ATG3: variants seen among roughly 807,000 people sequenced by gnomAD.
ATG3 encodes the protein ubiquitin-like-conjugating enzyme ATG3.
A neutral mutation model predicts 50.7 loss-of-function variants in ATG3; 25 were observed. That is an observed-to-expected ratio of 0.49 (90% CI 0.36 to 0.69). The LOEUF is 0.69. Among genes scored for constraint, ATG3 ranks in the 30% least tolerant of loss-of-function variants. ATG3 has a pLI of 0.00. For missense variants in ATG3, 281 were observed against 376.0 expected, an observed-to-expected ratio of 0.75 and a Z score of 2.09; for synonymous variants, 119 against 125.5, an observed-to-expected ratio of 0.95 and a Z score of 0.34.
At chr3:112,547,940 T>TA (rs1269640161) in intron 5 of ATG3, among the ~76,000 whole-genome samples, 2 of 152,244 alleles carry the variant, frequency 1.3e-5, no homozygotes, top group East Asian at 3.8e-4. Context: ...CAAGAGACTG[T>TA]AAAGCAAAGT....
intron 7 of ATG3, among the ~76,000 whole-genome samples, chr3:112,540,703 C>A: frequency 6.7e-6 from 1 of 149,262 alleles, no homozygotes; most frequent in Admixed American, 6.7e-5. Context: ...TAGAAGATGA[C>A]TAGAAGAAAG....
intron 3 of ATG3, among the ~76,000 whole-genome samples, chr3:112,551,410 C>G (rs1241838836): frequency 6.6e-6 from 1 of 152,184 alleles, no homozygotes; most frequent in Non-Finnish European, 1.5e-5. Context: ...TAACCTGGCT[C>G]TAGTGCTGAT....
chr3:112,539,317 C>G (rs1000184299), intron 7 of ATG3, among the ~76,000 whole-genome samples: 2 of 151,958 alleles, frequency 1.3e-5, no homozygotes, highest in Non-Finnish European at 2.9e-5. Flanking sequence ...GGTTACCTCT[C>G]TGACTCCACC....
intron 3 of ATG3, among the ~76,000 whole-genome samples, chr3:112,551,635 A>C (rs1262699535): frequency 6.6e-6 from 1 of 152,068 alleles, no homozygotes; most frequent in Non-Finnish European, 1.5e-5. Flanking sequence ...TACTTAATTA[A>C]GCTGGTAGAA....
In ATG3 at chr3:112,544,069, T is replaced by C. The variant is rs771092993; in HGVS notation, c.381A>G (p.Thr127=). The part of the protein sequence containing the change: ...TGITEAVKEI[T]LENKDNIRLQ... ...AATTAACCAGTACCTTATTTTCCAG[T>C]GTGATCTCTTTAACGGCTTCCGTTA... Residue 127 remains threonine, a synonymous_variant, in exon 6 of 12, where the codon ACA becomes ACG. Coordinates refer to ENST00000283290, the MANE Select transcript of ATG3 (RefSeq NM_022488.5). 3 of 1,600,394 alleles carry C rather than the reference T, an allele frequency of 1.9e-6. No individual in the cohort carries two copies. The highest frequency in any genetic ancestry group is 1.7e-5 in the Admixed American group (1 of 59,706).
At chr3:112,544,184 A>T in intron 5 of ATG3, 78 bp from the exon 6 acceptor site, 1 of 1,210,138 alleles carries the variant, frequency 8.3e-7, no homozygotes, top group Admixed American at 2.1e-5. Flanking sequence ...CAATATAAAA[A>T]TGCTGAAAAT....
At chr3:112,557,894 A>G (rs113134794) in intron 2 of ATG3, among the ~76,000 whole-genome samples, 4 of 152,348 alleles carry the variant, frequency 2.6e-5, no homozygotes, top group African/African-American at 7.2e-5. Context: ...ATAATTATTC[A>G]TAAAATTGGA....
rs1311929677 is a variant in ATG3, at chr3:112,533,944, T to G, written c.863+325A>C. 14 of 1,091,330 alleles carry G rather than the reference T, an allele frequency of 1.3e-5. No individual in the cohort carries two copies. In the South Asian group the frequency reaches 4.3e-4, roughly 34 times the overall value. The allele number at this position is 1,091,330 out of a possible 1,614,324, so 67.6% of individuals were successfully genotyped here. A position where few individuals can be genotyped will look rare whatever the true frequency, so the allele number is the denominator to read the frequency against. On this transcript the variant is annotated intron_variant, in intron 11 of 11. Coordinates refer to ENST00000283290, the MANE Select transcript of ATG3 (RefSeq NM_022488.5). ...GACACAACCTAATTTTACTTTTACC[T>G]GATGGGAAAGTACATTTTTGGTAAC... is the stretch of plus-strand genomic sequence containing the variant.
chr3:112,553,019 A>G (rs571148877), intron 3 of ATG3, among the ~76,000 whole-genome samples: 18 of 152,316 alleles, frequency 1.2e-4, no homozygotes, highest in African/African-American at 4.3e-4. Flanking sequence ...CACTATAAAG[A>G]AAAGAAGTAA....
intron 7 of ATG3, among the ~76,000 whole-genome samples, chr3:112,539,385 A>G (rs1933164407): frequency 6.6e-6 from 1 of 152,138 alleles, no homozygotes; most frequent in African/African-American, 2.4e-5. Flanking sequence ...AATATTTTAC[A>G]TAAGCCAAAC....
intron 5 of ATG3, among the ~76,000 whole-genome samples, chr3:112,548,157 T>C (rs1336035353): frequency 6.6e-6 from 1 of 152,052 alleles, no homozygotes; most frequent in Non-Finnish European, 1.5e-5. Flanking sequence ...ATGGAGACCA[T>C]CATGACCAAC....
chr3:112,560,780 T>C (rs1933838119), intron 1 of ATG3, among the ~76,000 whole-genome samples: 1 of 152,216 alleles, frequency 6.6e-6, no homozygotes, highest in Non-Finnish European at 1.5e-5. Flanking sequence ...TTTTTTACTT[T>C]AAAAATGCTG....
chr3:112,545,743 CA>C, intron 5 of ATG3, among the ~76,000 whole-genome samples: 1 of 152,022 alleles, frequency 6.6e-6, no homozygotes, highest in African/African-American at 2.4e-5. Context: ...ATACAGTTGA[CA>C]AAGAAAAAGA....
At chr3:112,542,017 A>G (rs534437607) in intron 6 of ATG3, 133 bp from the exon 7 acceptor site, 7 of 596,662 alleles carry the variant, frequency 1.2e-5, no homozygotes, top group South Asian at 8.8e-5. Flanking sequence ...CAAAAACCTT[A>G]AACTCCAATG....
At chr3:112,558,726 T>G (rs73229382) in intron 1 of ATG3, among the ~76,000 whole-genome samples, 1 of 152,030 alleles carries the variant, frequency 6.6e-6, no homozygotes, top group Non-Finnish European at 1.5e-5. Context: ...TAAAGCTCTA[T>G]GTAGAAACAT....
chr3:112,548,804 G>C lies in ATG3; in HGVS notation c.236-164C>G, dbSNP rs556227683. Among the ~76,000 whole-genome samples the C allele has an allele frequency of 5.3e-5, 8 of 152,306 alleles. No homozygotes were observed. The East Asian group carries it at 1.5e-3, about 29-fold the overall frequency. Reference sequence around the variant, plus strand: ...GATTAAGAGTTACATTCAGCTCATAGACACATAATTATTTGGCTACATTTA... The same window carrying C: ...GATTAAGAGTTACATTCAGCTCATACACACATAATTATTTGGCTACATTTA... On this transcript the variant is annotated intron_variant, in intron 4 of 11. Coordinates refer to ENST00000283290, the MANE Select transcript of ATG3 (RefSeq NM_022488.5).
intron 2 of ATG3, among the ~76,000 whole-genome samples, chr3:112,556,138 G>T (rs993632940): frequency 9.2e-5 from 14 of 152,212 alleles, no homozygotes; most frequent in African/African-American, 3.4e-4. Context: ...TGGCATTTGA[G>T]GTAATAAAAC....
chr3:112,534,994 G>T (rs1351899758), intron 10 of ATG3: 1 of 151,694 alleles, frequency 6.6e-6, no homozygotes, highest in Non-Finnish European at 1.5e-5. Flanking sequence ...TAAATTTTTT[G>T]GCTTATAAGA....
At chr3:112,537,714 T>C in intron 9 of ATG3, 21 bp downstream of exon 9, 7 of 1,516,270 alleles carry the variant, frequency 4.6e-6, no homozygotes, top group Non-Finnish European at 6.2e-6. Context: ...GATATTAAAA[T>C]ATAATGCTTT....
Sources: gnomAD v4.1 joint callset for allele counts (sites outside exome capture counted in the v4.1 genomes callset) on GRCh38, gnomAD v4.1.1 for gene constraint, MANE v1.5 for transcripts, NCBI Gene and HGNC (gene_info 2026-07-23, HGNC 2026-07-21) for gene names.